Variants in DPP10 observed in about 807,000 individuals in gnomAD.
The protein encoded by DPP10 is inactive dipeptidyl peptidase 10.
Under a neutral mutation model 120.9 loss-of-function variants are expected in DPP10, and 33 were observed. The ratio of observed to expected loss-of-function variants is 0.27; its 90% confidence interval spans 0.21 to 0.37. The LOEUF (loss-of-function observed/expected upper bound fraction) is 0.37, where lower values mean the gene tolerates loss of function less well. Ranked by LOEUF, DPP10 falls within the 10% of genes least tolerant of loss-of-function variation. The pLI is 1.00. For missense variants in DPP10, 816 were observed against 942.8 expected (o/e 0.87, Z 1.76); for synonymous variants, 337 against 326.1 (o/e 1.03, Z -0.36).
intron 10 of DPP10, among the ~76,000 whole-genome samples, chr2:115,747,697 C>T (rs989121595): frequency 1.3e-5 from 2 of 151,842 alleles, no homozygotes; most frequent in African/African-American, 4.8e-5. Context: ...AGGTTCACGC[C>T]ATTCTCTTGC....
At chr2:115,389,299 A>T (rs1308208899) in intron 3 of DPP10, among the ~76,000 whole-genome samples, 3 of 150,346 alleles carry the variant, frequency 2.0e-5, no homozygotes, top group East Asian at 3.9e-4. Context: ...ACACACACAC[A>T]CTCATACTCA....
At chr2:114,655,980 C>T (rs963479640) in intron 1 of DPP10, among the ~76,000 whole-genome samples, 2 of 152,028 alleles carry the variant, frequency 1.3e-5, no homozygotes, top group Non-Finnish European at 2.9e-5. Context: ...TCCTAACTAT[C>T]GAATTAGGTG....
chr2:115,639,383 T>C (rs2086596960), intron 5 of DPP10, among the ~76,000 whole-genome samples: 1 of 152,118 alleles, frequency 6.6e-6, no homozygotes, highest in Non-Finnish European at 1.5e-5. Context: ...CCTTATAACC[T>C]AGGACAATTA....
chr2:115,219,386 C>T (rs2057015356), intron 1 of DPP10, among the ~76,000 whole-genome samples: 1 of 151,108 alleles, frequency 6.6e-6, no homozygotes, highest in Non-Finnish European at 1.5e-5. Flanking sequence ...AGCTCTGACT[C>T]TAAATACTTT....
At chr2:115,536,468 C>G (rs2078848494) in intron 5 of DPP10, among the ~76,000 whole-genome samples, 10 of 151,924 alleles carry the variant, frequency 6.6e-5, no homozygotes, top group Admixed American at 6.6e-4. Context: ...CTGCAACGAA[C>G]ACTAATAAAT....
intron 3 of DPP10, among the ~76,000 whole-genome samples, chr2:115,382,461 C>T (rs1326149704): frequency 1.3e-5 from 2 of 152,202 alleles, no homozygotes; most frequent in African/African-American, 2.4e-5. Context: ...CACTGTCTGG[C>T]ACTTCCTATT....
chr2:115,573,396 C>CCT (rs2081457068), intron 5 of DPP10, among the ~76,000 whole-genome samples: 2 of 148,704 alleles, frequency 1.3e-5, no homozygotes, highest in African/African-American at 5.0e-5. Flanking sequence ...CATTCTCCTG[C>CCT]CTCAGCCTCC....
chr2:115,664,476 C>T (rs934920821), intron 5 of DPP10, among the ~76,000 whole-genome samples: 4 of 151,814 alleles, frequency 2.6e-5, no homozygotes, highest in African/African-American at 9.7e-5. Flanking sequence ...AACAATAATG[C>T]TTAATGTATA....
intron 3 of DPP10, among the ~76,000 whole-genome samples, chr2:115,395,213 C>A (rs78612024): frequency 6.6e-6 from 1 of 152,184 alleles, no homozygotes; most frequent in African/African-American, 2.4e-5. Flanking sequence ...CTTGCAGACC[C>A]CCACTCTTCT....
intron 5 of DPP10, among the ~76,000 whole-genome samples, chr2:115,631,037 CTTTTTTTTTTTTTTTT>C (rs58468918): frequency 5.4e-5 from 6 of 111,354 alleles, no homozygotes; most frequent in South Asian, 2.7e-4. Context: ...TGATCCTGGG[CTTTTTTTTTTTTTTTT>C]TTTTTTTTGT....
intron 1 of DPP10, among the ~76,000 whole-genome samples, chr2:114,574,370 G>A (rs901336250): frequency 3.3e-5 from 5 of 152,110 alleles, no homozygotes; most frequent in African/African-American, 7.2e-5. Context: ...CAGCGTCAGC[G>A]CCGCTTGCCC....
chr2:115,473,759 T>G (rs2074888492), intron 3 of DPP10, among the ~76,000 whole-genome samples: 1 of 152,224 alleles, frequency 6.6e-6, no homozygotes, highest in Non-Finnish European at 1.5e-5. Context: ...TATTTAATAT[T>G]GGCTTAGGCT....
At chr2:114,790,974 G>C (rs544409145) in intron 1 of DPP10, among the ~76,000 whole-genome samples, 1 of 152,046 alleles carries the variant, frequency 6.6e-6, no homozygotes, top group African/African-American at 2.4e-5. Context: ...AAAGACAAAA[G>C]TGTGACTATA....
chr2:115,405,216 T>C (rs1293944481), intron 3 of DPP10, among the ~76,000 whole-genome samples: 2 of 152,208 alleles, frequency 1.3e-5, no homozygotes, highest in Admixed American at 1.3e-4. Context: ...ATGAGTATTC[T>C]CCTTCCAAAA....
intron 1 of DPP10, among the ~76,000 whole-genome samples, chr2:114,936,575 T>C (rs570975567): frequency 1.3e-5 from 2 of 152,138 alleles, no homozygotes; most frequent in Non-Finnish European, 2.9e-5. Context: ...ATCTTTTTAA[T>C]ATAATGACCT....
intron 7 of DPP10, among the ~76,000 whole-genome samples, chr2:115,704,997 A>T (rs969998062): frequency 1.3e-5 from 2 of 151,934 alleles, no homozygotes; most frequent in African/African-American, 2.4e-5. Context: ...TGAAAAATGT[A>T]ATGTTTAGGT....
intron 5 of DPP10, among the ~76,000 whole-genome samples, chr2:115,557,269 A>G (rs963774135): frequency 6.6e-6 from 1 of 152,108 alleles, no homozygotes; most frequent in Non-Finnish European, 1.5e-5. Flanking sequence ...ATGACACTAC[A>G]CTACTTCTAA....
intron 1 of DPP10, among the ~76,000 whole-genome samples, chr2:115,257,893 A>T (rs2059076549): frequency 6.6e-6 from 1 of 152,326 alleles, no homozygotes; most frequent in Middle Eastern, 3.4e-3. Flanking sequence ...TCAAAGTTAT[A>T]AAGAGTCCTA....
chr2:115,798,580 G>A (rs1400226727), intron 19 of DPP10, among the ~76,000 whole-genome samples: 1 of 152,064 alleles, frequency 6.6e-6, no homozygotes, highest in Non-Finnish European at 1.5e-5. Flanking sequence ...CTAGGCCAGA[G>A]CTCCAGGCTT....
Sources: allele counts gnomAD v4.1 joint callset (sites outside exome capture counted in the v4.1 genomes callset), GRCh38; gene constraint gnomAD v4.1.1; transcripts MANE v1.5; gene names NCBI Gene and HGNC (gene_info 2026-07-23, HGNC 2026-07-21).